Variants in PID1 observed in about 807,000 individuals in gnomAD.
PID1 encodes the protein phosphotyrosine interaction domain containing 1, also known as PTB-containing, cubilin and LRP1-interacting protein.
PID1 carries 10 observed loss-of-function variants against 19.1 expected under a neutral mutation model. The observed-to-expected ratio is 0.52, with a 90% CI of 0.32 to 0.89. The LOEUF (loss-of-function observed/expected upper bound fraction) is 0.89. Among genes scored for constraint, PID1 ranks in the 40% least tolerant of loss-of-function variants. The probability of loss-of-function intolerance (pLI) is 0.03; values close to 1 mark genes in which losing one functional copy is unlikely to be tolerated. For synonymous variants in PID1, 130 were observed against 116.0 expected, an observed-to-expected ratio of 1.12 and a Z score of -0.78; for missense variants, 248 against 285.3, an observed-to-expected ratio of 0.87 and a Z score of 0.94.
chr2:229,033,679 A>T (rs902810210), intron 2 of PID1, among the ~76,000 whole-genome samples: 2 of 152,192 alleles, frequency 1.3e-5, no homozygotes, highest in African/African-American at 2.4e-5. Context: ...GAAATATAAT[A>T]AAAAAATTAA....
intron 1 of PID1, among the ~76,000 whole-genome samples, chr2:229,247,017 TC>T (rs1376011642): frequency 2.0e-5 from 3 of 151,886 alleles, no homozygotes; most frequent in African/African-American, 7.3e-5. Context: ...TAAGAAAAAT[TC>T]TACTCAGGGA....
chr2:229,086,178 G>A (rs1488010477), intron 2 of PID1, among the ~76,000 whole-genome samples: 4 of 152,042 alleles, frequency 2.6e-5, no homozygotes, highest in African/African-American at 9.7e-5. Flanking sequence ...TATTACAGAA[G>A]CTCCTCAACT....
chr2:229,150,405 G>A (rs1034340218), intron 2 of PID1, among the ~76,000 whole-genome samples: 4 of 152,082 alleles, frequency 2.6e-5, no homozygotes, highest in African/African-American at 9.7e-5. Flanking sequence ...GACCCCACCA[G>A]CCATACGAAA....
chr2:229,052,080 G>A (rs778863374), intron 2 of PID1, among the ~76,000 whole-genome samples: 2 of 152,076 alleles, frequency 1.3e-5, no homozygotes, highest in Non-Finnish European at 2.9e-5. Flanking sequence ...CCTATCCAGG[G>A]GACATTGGAT....
chr2:229,099,723 T>A (rs1474797247), intron 2 of PID1, among the ~76,000 whole-genome samples: 1 of 152,156 alleles, frequency 6.6e-6, no homozygotes, highest in African/African-American at 2.4e-5. Flanking sequence ...CAAGAAATGA[T>A]TTCACTGCCT....
intron 2 of PID1, among the ~76,000 whole-genome samples, chr2:229,073,750 G>C (rs1694504327): frequency 6.6e-6 from 1 of 152,186 alleles, no homozygotes; most frequent in Non-Finnish European, 1.5e-5. Context: ...GCTCCAAGTT[G>C]GTGAATACAT....
chr2:229,214,691 A>G (rs1302576814), intron 1 of PID1, among the ~76,000 whole-genome samples: 8 of 152,220 alleles, frequency 5.3e-5, no homozygotes, highest in Non-Finnish European at 1.0e-4. Flanking sequence ...ATTGATCTTT[A>G]TGCCCTGAAT....
Position 229,025,851 on chromosome 2 carries a change from G to C in PID1, c.435C>G (p.Asn145Lys). 1.2e-6 allele frequency: 2 copies of C among 1,614,260 alleles called. No individual in the cohort carries two copies. Among genetic ancestry groups the C allele is most frequent in the Non-Finnish European group, 1.7e-6 (2 of 1,180,038 alleles). Residue 145 changes from asparagine to lysine, a missense_variant, in exon 3 of 3, where the codon AAC becomes AAG. Transcript: ENST00000392055. Reference protein sequence around the residue: ...YCTADHNVSPNIFAWVYREIN... With the variant: ...YCTADHNVSPKIFAWVYREIN... ...TCTCCCTGTAGACCCAGGCGAAGATGTTGGGGCTCACGTTGTGGTCGGCGG... is the reference window on the plus strand; with the variant it reads ...TCTCCCTGTAGACCCAGGCGAAGATCTTGGGGCTCACGTTGTGGTCGGCGG...
chr2:229,242,704 T>C (rs1429900567), intron 1 of PID1, among the ~76,000 whole-genome samples: 2 of 152,134 alleles, frequency 1.3e-5, no homozygotes, highest in African/African-American at 2.4e-5. Context: ...ACATTTTCTA[T>C]ACCACCAACA....
At chr2:229,029,512 A>G (rs115810969) in intron 2 of PID1, among the ~76,000 whole-genome samples, 1 of 152,270 alleles carries the variant, frequency 6.6e-6, no homozygotes, top group African/African-American at 2.4e-5. Context: ...TACAATTTCT[A>G]TACCATGTAG....
chr2:229,066,329 A>C (rs1694326245), intron 2 of PID1, among the ~76,000 whole-genome samples: 1 of 152,152 alleles, frequency 6.6e-6, no homozygotes, highest in Non-Finnish European at 1.5e-5. Context: ...TTCAATACAA[A>C]TTGCCAAATA....
At chr2:229,150,439 T>C (rs1357078391) in intron 2 of PID1, among the ~76,000 whole-genome samples, 2 of 152,030 alleles carry the variant, frequency 1.3e-5, no homozygotes, top group African/African-American at 4.8e-5. Context: ...AAGACAGCGA[T>C]GTACTCTCCC....
At chr2:229,265,047 A>G (rs908445322) in intron 1 of PID1, among the ~76,000 whole-genome samples, 1 of 152,258 alleles carries the variant, frequency 6.6e-6, no homozygotes, top group African/African-American at 2.4e-5. Context: ...CAGATAGGGA[A>G]AGCAAAGCTC....
chr2:229,153,769 A>C (rs1690308254), intron 2 of PID1, among the ~76,000 whole-genome samples: 1 of 152,136 alleles, frequency 6.6e-6, no homozygotes, highest in Non-Finnish European at 1.5e-5. Flanking sequence ...TATCTACATT[A>C]GATTGTTAGA....
intron 1 of PID1, among the ~76,000 whole-genome samples, chr2:229,257,141 A>G (rs565876247): frequency 6.6e-6 from 1 of 152,278 alleles, no homozygotes; most frequent in Non-Finnish European, 1.5e-5. Flanking sequence ...CTCTTCCTCT[A>G]AAGGGCATTG....
At chr2:229,221,767 C>T (rs1242796197) in intron 1 of PID1, among the ~76,000 whole-genome samples, 1 of 152,228 alleles carries the variant, frequency 6.6e-6, no homozygotes, top group Non-Finnish European at 1.5e-5. Flanking sequence ...GATGACCTGA[C>T]TCCCAGTAAA....
At chr2:229,132,328 G>T (rs1013206228) in intron 2 of PID1, among the ~76,000 whole-genome samples, 1 of 152,140 alleles carries the variant, frequency 6.6e-6, no homozygotes, top group Non-Finnish European at 1.5e-5. Flanking sequence ...GTACTTACAG[G>T]ATGGGCTATC....
chr2:229,219,844 T>A (rs1321231529), intron 1 of PID1, among the ~76,000 whole-genome samples: 1 of 152,006 alleles, frequency 6.6e-6, no homozygotes, highest in Non-Finnish European at 1.5e-5. Context: ...TTTTATTTTT[T>A]TTTTGTCATT....
At chr2:229,214,829 A>T (rs1199206490) in intron 1 of PID1, among the ~76,000 whole-genome samples, 2 of 151,708 alleles carry the variant, frequency 1.3e-5, no homozygotes, top group South Asian at 4.2e-4. Context: ...GCATAGGAAG[A>T]CTCTTCTTTC....
Sources: allele counts gnomAD v4.1 joint callset (sites outside exome capture counted in the v4.1 genomes callset), GRCh38; gene constraint gnomAD v4.1.1; transcripts MANE v1.5; gene names NCBI Gene and HGNC (gene_info 2026-07-23, HGNC 2026-07-21).